The following EPB41L3 variants were observed in gnomAD, a reference collection of about 807,000 sequenced individuals.
The protein encoded by EPB41L3 is band 4.1-like protein 3.
Under a neutral mutation model 127.1 loss-of-function variants are expected in EPB41L3, and 57 were observed. The observed-to-expected ratio is 0.45, with a 90% CI of 0.36 to 0.56. The LOEUF (loss-of-function observed/expected upper bound fraction) is 0.56. EPB41L3 is among the 20% of genes least tolerant of loss of function. The pLI is 0.00. For missense variants in EPB41L3, 1,273 were observed against 1,372.2 expected, an observed-to-expected ratio of 0.93 and a Z score of 1.14; for synonymous variants, 572 against 549.5, an observed-to-expected ratio of 1.04 and a Z score of -0.57.
intron 1 of EPB41L3, among the ~76,000 whole-genome samples, chr18:5,535,091 A>T (rs982628679): frequency 6.6e-6 from 1 of 152,140 alleles, no homozygotes; most frequent in Non-Finnish European, 1.5e-5. Context: ...TGAGAATGTG[A>T]GAATGTGAAC....
At chr18:5,579,810 T>C (rs1232785955) in intron 3 of EPB41L3, among the ~76,000 whole-genome samples, 3 of 152,200 alleles carry the variant, frequency 2.0e-5, no homozygotes, top group African/African-American at 7.2e-5. Context: ...CCACATACTG[T>C]AACCAATGTC....
intron 1 of EPB41L3, among the ~76,000 whole-genome samples, chr18:5,526,093 C>G (rs1255991764): frequency 6.6e-6 from 1 of 152,142 alleles, no homozygotes; most frequent in Non-Finnish European, 1.5e-5. Flanking sequence ...TCATTAGAGA[C>G]TCTTTAAAAA....
At chr18:5,505,929 C>T (rs1325118496) in intron 1 of EPB41L3, among the ~76,000 whole-genome samples, 8 of 151,256 alleles carry the variant, frequency 5.3e-5, no homozygotes, top group Admixed American at 2.6e-4. Context: ...CCCTCCACAC[C>T]TTCACCTCTT....
intron 3 of EPB41L3, among the ~76,000 whole-genome samples, chr18:5,449,791 C>T (rs1348926280): frequency 6.6e-6 from 1 of 152,246 alleles, no homozygotes; most frequent in African/African-American, 2.4e-5. Context: ...TTCCAAGGCC[C>T]CTAATGGATG....
chr18:5,593,191 A>G (rs1246611028), intron 3 of EPB41L3, among the ~76,000 whole-genome samples: 1 of 100,836 alleles, frequency 9.9e-6, no homozygotes, highest in African/African-American at 3.8e-5. Context: ...ATTCCCACCC[A>G]CCTCACCCCC....
At chr18:5,491,158 G>A (rs2090551107) in intron 1 of EPB41L3, among the ~76,000 whole-genome samples, 1 of 152,142 alleles carries the variant, frequency 6.6e-6, no homozygotes, top group African/African-American at 2.4e-5. Flanking sequence ...TCTTCATAAA[G>A]ACAAAGCCAC....
intron 1 of EPB41L3, among the ~76,000 whole-genome samples, chr18:5,512,309 A>T (rs1050273623): frequency 1.3e-5 from 2 of 152,190 alleles, no homozygotes; most frequent in African/African-American, 4.8e-5. Flanking sequence ...AGACATAGAG[A>T]ATGGGCACTC....
At chr18:5,624,344 A>G (rs1344558101) in intron 1 of EPB41L3, among the ~76,000 whole-genome samples, 1 of 152,194 alleles carries the variant, frequency 6.6e-6, no homozygotes, top group Non-Finnish European at 1.5e-5. Context: ...CATCTTGCCC[A>G]GCATATCTCA....
intron 2 of EPB41L3, among the ~76,000 whole-genome samples, chr18:5,488,292 T>C (rs1320155092): frequency 1.3e-5 from 2 of 152,108 alleles, no homozygotes; most frequent in Non-Finnish European, 2.9e-5. Flanking sequence ...GAAACCATCA[T>C]TCTTAGCAAA....
At chr18:5,446,762 GA>G (rs1444475695) in intron 3 of EPB41L3, among the ~76,000 whole-genome samples, 12 of 152,014 alleles carry the variant, frequency 7.9e-5, no homozygotes, top group Admixed American at 7.9e-4. Flanking sequence ...GATGTATTTG[GA>G]AAAAACAGTT....
chr18:5,573,888 C>A (rs1369606147), intron 3 of EPB41L3, among the ~76,000 whole-genome samples: 1 of 150,438 alleles, frequency 6.6e-6, no homozygotes, highest in Non-Finnish European at 1.5e-5. Flanking sequence ...TCAGGTACTT[C>A]AAAAAATTTA....
At chr18:5,617,613 C>T (rs1172949334) in intron 1 of EPB41L3, among the ~76,000 whole-genome samples, 3 of 152,166 alleles carry the variant, frequency 2.0e-5, no homozygotes, top group Non-Finnish European at 2.9e-5. Context: ...CCACCGCGCC[C>T]GGCCCAAGTC....
chr18:5,524,350 C>A (rs781055270), intron 1 of EPB41L3, among the ~76,000 whole-genome samples: 2 of 152,064 alleles, frequency 1.3e-5, no homozygotes, highest in South Asian at 2.1e-4. Context: ...CCTGCCACCA[C>A]GCCTGGCTAA....
chr18:5,547,979 A>T (rs2093908339), upstream of EPB41L3, among the ~76,000 whole-genome samples: 1 of 152,228 alleles, frequency 6.6e-6, no homozygotes, highest in Admixed American at 6.5e-5. Flanking sequence ...TTGACGCTTG[A>T]GCAAACCCTA....
Position 5,392,445 on chromosome 18 carries a change from T to C in EPB41L3, c.*1040A>G, listed in dbSNP as rs1179434630. On this transcript the variant is annotated 3_prime_UTR_variant, in exon 23 of 23. Transcript: ENST00000341928. ...AGAAACATACATTCACCATGGGCTG[T>C]GATGCAGGTGATCGTGTAATGGAGA... 1.3e-5 allele frequency: 2 copies of C among 152,658 alleles called. No homozygotes were observed. Among genetic ancestry groups the C allele is most frequent in the Non-Finnish European group, 2.9e-5 (2 of 68,042 alleles). 9.5% of individuals were successfully genotyped at this position (152,658 alleles called of 1,614,324 possible).
At chr18:5,518,335 C>G (rs1686203485) in intron 1 of EPB41L3, among the ~76,000 whole-genome samples, 1 of 152,138 alleles carries the variant, frequency 6.6e-6, no homozygotes, top group African/African-American at 2.4e-5. Context: ...CCACCCACCT[C>G]CCACCCCGTG....
In EPB41L3 at chr18:5,415,844, C is replaced by T. The variant is rs777958730; in HGVS notation, c.2041G>A (p.Asp681Asn). ...TCTTCCTCTGAACTGTCACTCGGGT[C>T]ATTGTCTAGGGAGGCGCTCAAGGAG... The part of the protein sequence containing the change: ...AASLSASLDN[D>N]PSDSSEEETD... The change falls in exon 13 of 23, where the codon GAC becomes AAC. Residue 681 changes from aspartate (D) to asparagine (N), a missense_variant. This residue lies in a region of EPB41L3 where 765 missense variants were observed against 782.9 expected (regional missense o/e 0.98). Transcript: ENST00000341928. The T allele has an allele frequency of 5.0e-6, 8 of 1,612,816 alleles. No individual in the cohort carries two copies. Among genetic ancestry groups the T allele is most frequent in the Non-Finnish European group, 6.8e-6 (8 of 1,179,818 alleles).
chr18:5,516,056 T>C (rs758295511), intron 1 of EPB41L3, among the ~76,000 whole-genome samples: 6 of 152,184 alleles, frequency 3.9e-5, no homozygotes, highest in Admixed American at 6.5e-5. Context: ...TGATAGCCGA[T>C]GTGGAGTCCT....
At chr18:5,552,378 C>T (rs2093978269) in intron 3 of EPB41L3, among the ~76,000 whole-genome samples, 1 of 152,224 alleles carries the variant, frequency 6.6e-6, no homozygotes, top group Non-Finnish European at 1.5e-5. Context: ...AAAAAAATAT[C>T]ATTTGTGGTT....
Sources: gnomAD v4.1 joint callset for allele counts (sites outside exome capture counted in the v4.1 genomes callset) on GRCh38, gnomAD v4.1.1 for gene constraint, gnomAD v4.1.1 regional missense constraint, MANE v1.5 for transcripts, NCBI Gene and HGNC (gene_info 2026-07-23, HGNC 2026-07-21) for gene names.